The following RNLS variants were observed in gnomAD, a reference collection of about 807,000 sequenced individuals.
RNLS encodes renalase.
Under a neutral mutation model 39.8 loss-of-function variants are expected in RNLS, and 39 were observed. That is an observed-to-expected ratio of 0.98 (90% confidence interval 0.76 to 1.28). The LOEUF (loss-of-function observed/expected upper bound fraction) is 1.28, where lower values mean the gene tolerates loss of function less well. Among genes scored for constraint, RNLS ranks in the 50% most tolerant of loss-of-function variants. The pLI is 0.00. For missense variants in RNLS, 410 were observed against 413.3 expected (o/e 0.99, Z 0.07); for synonymous variants, 147 against 150.7 (o/e 0.98, Z 0.18).
intron 4 of RNLS, among the ~76,000 whole-genome samples, chr10:88,462,401 C>T (rs999896481): frequency 2.0e-5 from 3 of 151,984 alleles, no homozygotes; most frequent in African/African-American, 7.2e-5. Context: ...TGATTTGAGA[C>T]ATCTTCTAGT....
chr10:88,512,510 T>G (rs1340435744), intron 4 of RNLS, among the ~76,000 whole-genome samples: 3 of 152,116 alleles, frequency 2.0e-5, no homozygotes, highest in Non-Finnish European at 1.5e-5. Context: ...TGCCCAAACT[T>G]GTCGTTTTTT....
intron 5 of RNLS, among the ~76,000 whole-genome samples, chr10:88,357,633 C>T (rs377484628): frequency 6.6e-6 from 1 of 152,134 alleles, no homozygotes; most frequent in Non-Finnish European, 1.5e-5. Flanking sequence ...TCACCAAATC[C>T]ACTTTTTCTT....
chr10:88,312,870 T>A (rs1845487650), intron 6 of RNLS, among the ~76,000 whole-genome samples: 2 of 152,116 alleles, frequency 1.3e-5, no homozygotes, highest in Non-Finnish European at 1.5e-5. Context: ...ATTTCTACCA[T>A]AAATGACAAT....
intron 4 of RNLS, among the ~76,000 whole-genome samples, chr10:88,402,908 C>T (rs1173924436): frequency 6.6e-6 from 1 of 151,810 alleles, no homozygotes; most frequent in African/African-American, 2.4e-5. Context: ...TTTGCAATTC[C>T]TAATGAATTA....
chr10:88,195,198 G>A, the RNLS span, among the ~76,000 whole-genome samples: 3 of 152,190 alleles, frequency 2.0e-5, no homozygotes, highest in Non-Finnish European at 4.4e-5. Flanking sequence ...AAAAAGGAAA[G>A]CCAGCTTAGA....
At chr10:88,426,264 C>G (rs1306843597) in intron 4 of RNLS, among the ~76,000 whole-genome samples, 1 of 151,978 alleles carries the variant, frequency 6.6e-6, no homozygotes, top group Admixed American at 6.6e-5. Flanking sequence ...GCACATTTGG[C>G]AGTTCACCAA....
At chr10:88,205,105 C>T in the RNLS span, among the ~76,000 whole-genome samples, 2 of 152,144 alleles carry the variant, frequency 1.3e-5, no homozygotes, top group Non-Finnish European at 2.9e-5. Flanking sequence ...TATATGAAGA[C>T]ACAGTTTCAG....
intron 5 of RNLS, among the ~76,000 whole-genome samples, chr10:88,330,288 G>A (rs1289757589): frequency 2.6e-5 from 4 of 151,800 alleles, no homozygotes; most frequent in Non-Finnish European, 5.9e-5. Flanking sequence ...AACGTGCTTT[G>A]GTTTCTGCCA....
chr10:88,365,156 CT>C (rs1849962555), intron 4 of RNLS, among the ~76,000 whole-genome samples: 1 of 152,124 alleles, frequency 6.6e-6, no homozygotes, highest in South Asian at 2.1e-4. Context: ...ATTCCAGGGG[CT>C]CTACAATTCA....
At chr10:88,497,201 A>T (rs1214001952) in intron 4 of RNLS, among the ~76,000 whole-genome samples, 2 of 152,114 alleles carry the variant, frequency 1.3e-5, no homozygotes, top group Non-Finnish European at 2.9e-5. Context: ...ATAGAAATAC[A>T]ACTTAACAGT....
At chr10:88,287,528 G>GTT (rs746983165) in intron 6 of RNLS, among the ~76,000 whole-genome samples, 5 of 152,128 alleles carry the variant, frequency 3.3e-5, no homozygotes, top group Non-Finnish European at 5.9e-5. Flanking sequence ...ATTTCAGAAT[G>GTT]TGATAACCAA....
chr10:88,508,442 T>C (rs1236302558), intron 4 of RNLS, among the ~76,000 whole-genome samples: 1 of 152,152 alleles, frequency 6.6e-6, no homozygotes, highest in East Asian at 1.9e-4. Context: ...TTTGCTACAG[T>C]GTCTGGCACA....
intron 4 of RNLS, among the ~76,000 whole-genome samples, chr10:88,478,733 G>A (rs1487413319): frequency 6.6e-6 from 1 of 152,030 alleles, no homozygotes; most frequent in Non-Finnish European, 1.5e-5. Flanking sequence ...ACCATTTTCT[G>A]GCACACAAAC....
intron 4 of RNLS, among the ~76,000 whole-genome samples, chr10:88,438,967 G>A (rs1192639257): frequency 6.6e-6 from 1 of 152,098 alleles, no homozygotes; most frequent in African/African-American, 2.4e-5. Flanking sequence ...GATATCACCG[G>A]GGGCGGGTGG....
At chr10:88,272,077 T>A (rs1842663936), downstream of RNLS, among the ~76,000 whole-genome samples, 1 of 152,196 alleles carries the variant, frequency 6.6e-6, no homozygotes, top group Non-Finnish European at 1.5e-5. Flanking sequence ...GAACAGCCTG[T>A]CCCTCCTCAA....
At chr10:88,512,890 T>C (rs1342957945) in intron 4 of RNLS, among the ~76,000 whole-genome samples, 1 of 152,164 alleles carries the variant, frequency 6.6e-6, no homozygotes, top group Non-Finnish European at 1.5e-5. Context: ...TGTATGGTGC[T>C]GGATAAATTA....
chr10:88,435,334 T>G (rs1377452867), intron 4 of RNLS, among the ~76,000 whole-genome samples: 1 of 152,040 alleles, frequency 6.6e-6, no homozygotes, highest in Admixed American at 6.6e-5. Flanking sequence ...CCTTTTATTT[T>G]AGAGCACCAA....
chr10:88,552,572 T>C (rs529645862), intron 4 of RNLS, among the ~76,000 whole-genome samples: 10 of 152,332 alleles, frequency 6.6e-5, no homozygotes, highest in Middle Eastern at 3.4e-3. Flanking sequence ...AGGACAACAG[T>C]TACTGATTAA....
At chr10:88,187,189 TATATATAATATATATATA>T in the RNLS span, among the ~76,000 whole-genome samples, 40 of 10,182 alleles carry the variant, frequency 3.9e-3, 1 homozygote, top group African/African-American at 3.5e-3. Flanking sequence ...ATATATATAA[TATATATAATATATATATA>T]ATATATATAT....
Sources: gnomAD v4.1 joint callset for allele counts (sites outside exome capture counted in the v4.1 genomes callset) on GRCh38, gnomAD v4.1.1 for gene constraint, MANE v1.5 for transcripts, NCBI Gene and HGNC (gene_info 2026-07-23, HGNC 2026-07-21) for gene names.